Variants in ERCC1 observed in about 807,000 individuals in gnomAD.
The protein encoded by ERCC1 is ERCC excision repair 1, endonuclease non-catalytic subunit.
ERCC1 carries 36 observed loss-of-function variants against 37.6 expected under a neutral mutation model. That is an observed-to-expected ratio of 0.96 (90% confidence interval 0.73 to 1.26). ERCC1 has a LOEUF of 1.26. Ranked by LOEUF, ERCC1 falls within the 50% of genes most tolerant of loss-of-function variation. The pLI, the probability that ERCC1 is intolerant of heterozygous loss-of-function variation, is 0.00. For missense variants in ERCC1, 349 were observed against 376.5 expected, an observed-to-expected ratio of 0.93 and a Z score of 0.60; for synonymous variants, 156 against 162.1, an observed-to-expected ratio of 0.96 and a Z score of 0.28.
In ERCC1 at chr19:45,408,980, G is replaced by A; in HGVS notation, c.*695C>T. 6.2e-7 allele frequency: 1 copy of A among 1,614,060 alleles called. No homozygotes were observed. Among genetic ancestry groups the A allele is most frequent in the Non-Finnish European group, 8.5e-7 (1 of 1,180,024 alleles). On this transcript the variant is annotated 3_prime_UTR_variant, in exon 10 of 10. Coordinates refer to ENST00000300853, the MANE Select transcript of ERCC1 (RefSeq NM_001983.4). ...GAGGAAAAAAGAAAAGGGACAGATGGCAATGATGGAGCCAGGGACGGAGGC... is the reference window on the plus strand; with the variant it reads ...GAGGAAAAAAGAAAAGGGACAGATGACAATGATGGAGCCAGGGACGGAGGC...
At chr19:45,415,048 A>G (rs1973968586) in intron 6 of ERCC1, 88 bp from the exon 7 acceptor site, 2 of 1,021,244 alleles carry the variant, frequency 2.0e-6, no homozygotes, top group South Asian at 1.3e-5. Context: ...AATTGCCAAT[A>G]CTAGGCCGGG....
In ERCC1 at chr19:45,421,335, G is replaced by T. The variant is rs764307683; in HGVS notation, c.164C>A (p.Ala55Glu). 5 of 1,613,930 alleles carry T rather than the reference G, an allele frequency of 3.1e-6. No homozygotes were observed. The highest frequency in any genetic ancestry group is 2.2e-5 in the South Asian group (2 of 91,086). Residue 55 changes from alanine to glutamate, a missense_variant, in exon 3 of 10, where the codon GCG becomes GAG. Ala to Glu is a moderately radical substitution (Grantham distance 107, BLOSUM62 -1). Transcript: ENST00000300853. ...ATATTCGGCGTAGGTCTGAGGGGCC[G>T]CCTGGGCCGAGGTGTCCACAGTGGG... is the stretch of plus-strand genomic sequence containing the variant. ...SLPTVDTSAQ[A>E]APQTYAEYAI...
chr19:45,433,071 ACT>A (rs1974875857), intron 1 of ERCC1, among the ~76,000 whole-genome samples: 1 of 147,390 alleles, frequency 6.8e-6, no homozygotes, highest in Non-Finnish European at 1.5e-5. Flanking sequence ...CAAGAATGAA[ACT>A]CTGTCTCAAA....
intron 6 of ERCC1, among the ~76,000 whole-genome samples, chr19:45,415,443 C>T (rs1237743223): frequency 1.3e-5 from 2 of 150,168 alleles, no homozygotes; most frequent in East Asian, 2.0e-4. Flanking sequence ...GAGACCATCC[C>T]GACTAACATG....
chr19:45,444,072 A>G (rs573238226), intron 1 of ERCC1, among the ~76,000 whole-genome samples: 17 of 88,606 alleles, frequency 1.9e-4, no homozygotes, highest in Admixed American at 1.5e-3. Context: ...GGCCCTCCCA[A>G]TCCCCTCCCC....
intron 7 of ERCC1, chr19:45,414,565 G>C: frequency 2.3e-6 from 1 of 433,964 alleles, no homozygotes; most frequent in South Asian, 2.2e-5. Flanking sequence ...CCTGGGAGAA[G>C]TGAAGTGTGA....
At chr19:45,445,964 C>G (rs1223045175) in intron 1 of ERCC1, among the ~76,000 whole-genome samples, 1 of 152,170 alleles carries the variant, frequency 6.6e-6, no homozygotes, top group Non-Finnish European at 1.5e-5. Flanking sequence ...TCTCGGCTCA[C>G]TGCAACCTCC....
At chr19:45,435,120 T>C (rs1449099634) in intron 1 of ERCC1, among the ~76,000 whole-genome samples, 4 of 152,088 alleles carry the variant, frequency 2.6e-5, no homozygotes, top group African/African-American at 4.8e-5. Context: ...GGTTTCCCCA[T>C]GTTGGCCAGG....
chr19:45,420,426 C>T lies in ERCC1; in HGVS notation c.323G>A (p.Arg108Lys), dbSNP rs1440418091. ...SNSIIVSPRQ[R>K]GNPVLKFVRN... The stretch of plus-strand genomic sequence containing the variant: ...CACGAACTTCAGTACGGGATTGCCC[C>T]TCTGGGGAGGGACGAAGGGCAGAAG... The change falls in exon 4 of 10, where the codon AGG becomes AAG. Residue 108 changes from arginine to lysine, a missense_variant and splice_region_variant. Coordinates refer to ENST00000300853, the MANE Select transcript of ERCC1 (RefSeq NM_001983.4). The surrounding 1 kb of genome is among the most constrained non-coding windows in gnomAD (Gnocchi z 4.8). The T allele has an allele frequency of 1.2e-6, 2 of 1,609,610 alleles. No individual in the cohort carries two copies. The highest frequency in any genetic ancestry group is 1.1e-5 in the South Asian group (1 of 90,746).
At chr19:45,427,847 C>CG (rs1974733460), upstream of ERCC1, among the ~76,000 whole-genome samples, 1 of 152,114 alleles carries the variant, frequency 6.6e-6, no homozygotes, top group Admixed American at 6.6e-5. Context: ...CAGAACCCAG[C>CG]GGGGGCAGGA....
Position 45,422,832 on chromosome 19 carries a change from CT to C in ERCC1, c.105+437del, listed in dbSNP as rs548251477. Among the ~76,000 whole-genome samples, 441 of 152,284 alleles carry C rather than the reference CT, an allele frequency of 2.9e-3. 1 individual carries two copies. The highest frequency in any genetic ancestry group is 6.0e-3 in the Admixed American group (91 of 15,284). ...CATCATGCCCTACATCCTTAGCCCA[CT>C]TTCCTTTTCTTCATAGCCAATGCTC... On this transcript the variant is annotated intron_variant, in intron 2 of 9. Transcript: ENST00000300853.
At chr19:45,415,853 T>G in intron 6 of ERCC1, 1 of 452,588 alleles carries the variant, frequency 2.2e-6, no homozygotes, top group South Asian at 1.6e-5. Context: ...TAAAGTGGGG[T>G]GGTCAGGCAT....
upstream of ERCC1, chr19:45,423,940 A>G: frequency 9.1e-7 from 1 of 1,093,998 alleles, no homozygotes; most frequent in Non-Finnish European, 1.1e-6. Flanking sequence ...CCCGCTCCCC[A>G]GGAGAGTAGA....
chr19:45,428,052 C>G (rs1030393814), upstream of ERCC1, among the ~76,000 whole-genome samples: 76 of 141,970 alleles, frequency 5.4e-4, no homozygotes, highest in South Asian at 1.1e-3. Context: ...CCCTCAGTTT[C>G]TTTTCTTTTT....
At chr19:45,429,384 T>G (rs1221397302) in intron 1 of ERCC1, among the ~76,000 whole-genome samples, 1 of 151,990 alleles carries the variant, frequency 6.6e-6, no homozygotes, top group Non-Finnish European at 1.5e-5. Context: ...CGCTTGAACC[T>G]GGGAGACAGA....
rs1276916316 is a variant in ERCC1, at chr19:45,409,242, A to C, written c.*433T>G. On this transcript the variant is annotated 3_prime_UTR_variant, in exon 10 of 10. Transcript: ENST00000300853. ...GCTCCCACATCCACCAAGAAGAAGA[A>C]GAAGAAGAAAGAGAGAGGTCACACA... 3 of 1,613,622 alleles carry C rather than the reference A, an allele frequency of 1.9e-6. No individual in the cohort carries two copies. Among genetic ancestry groups the C allele is most frequent in the African/African-American group, 1.3e-5 (1 of 74,896 alleles).
chr19:45,440,869 G>T (rs1975102653), intron 1 of ERCC1, among the ~76,000 whole-genome samples: 1 of 152,084 alleles, frequency 6.6e-6, no homozygotes, highest in Non-Finnish European at 1.5e-5. Flanking sequence ...TAGTAGCTGG[G>T]ACTACAGGTG....
At chr19:45,423,145 G>A (rs912467061) in intron 2 of ERCC1, 125 bp downstream of exon 2, 4 of 904,036 alleles carry the variant, frequency 4.4e-6, no homozygotes, top group Non-Finnish European at 6.9e-6. Flanking sequence ...ACCAAGGACT[G>A]TTTCCCCAAG....
In ERCC1 at chr19:45,420,529, T is replaced by C; in HGVS notation, c.322-102A>G. The C allele has an allele frequency of 2.7e-6, 2 of 745,054 alleles. No homozygotes were observed. The allele number at this position is 745,054 out of a possible 1,614,324, so 46.2% of individuals were successfully genotyped here. On this transcript the variant is annotated intron_variant, in intron 3 of 9. Coordinates refer to ENST00000300853, the MANE Select transcript of ERCC1 (RefSeq NM_001983.4). The surrounding 1 kb of genome is among the most constrained non-coding windows in gnomAD (Gnocchi z 4.8). ...TGCACCTCCTCCCTCCTCCCACCTC[T>C]TCCCACACCTCCTGCCTCCTCGCAC...
Sources: allele counts gnomAD v4.1 joint callset (sites outside exome capture counted in the v4.1 genomes callset), GRCh38; gene constraint gnomAD v4.1.1; non-coding constraint Gnocchi (gnomAD v3.1); transcripts MANE v1.5; gene names NCBI Gene and HGNC (gene_info 2026-07-23, HGNC 2026-07-21).